The following DKC1 variants were observed in gnomAD, a reference collection of about 807,000 sequenced individuals.
DKC1 encodes the protein H/ACA ribonucleoprotein complex subunit DKC1.
Under a neutral mutation model 46.7 loss-of-function variants are expected in DKC1, and 4 were observed. The observed-to-expected ratio is 0.09, with a 90% CI of 0.04 to 0.20. DKC1 has a LOEUF of 0.20. Ranked by LOEUF, DKC1 falls within the 10% of genes least tolerant of loss-of-function variation. The probability of loss-of-function intolerance (pLI) is 1.00; values close to 1 mark genes in which losing one functional copy is unlikely to be tolerated. For missense variants in DKC1, 171 were observed against 404.2 expected (o/e 0.42, Z 4.95); for synonymous variants, 141 against 142.4 (o/e 0.99, Z 0.07).
In DKC1 at chrX:154,775,812, C is replaced by T. The variant is rs782475670; in HGVS notation, c.1339-375C>T. ...CAGGTCTGCACTCAGAAACCGGGGGCGGTACTGAGTATCCTGCACAGGCTG... is the reference window on the plus strand; with the variant it reads ...CAGGTCTGCACTCAGAAACCGGGGGTGGTACTGAGTATCCTGCACAGGCTG... On this transcript the variant is annotated intron_variant, in intron 13 of 14. Transcript: ENST00000369550. Among the ~76,000 whole-genome samples, 5 of 112,180 alleles carry T rather than the reference C, an allele frequency of 4.5e-5. No homozygotes were observed. In the East Asian group the frequency reaches 1.1e-3, roughly 25 times the overall value.
chrX:154,767,087 A>G, intron 6 of DKC1, 26 bp downstream of exon 6: 4 of 1,198,576 alleles, frequency 3.3e-6, no homozygotes, highest in Non-Finnish European at 4.5e-6. Flanking sequence ...TAGGGAGGAC[A>G]CCCTTTGTTG....
intron 7 of DKC1, 189 bp from the exon 8 acceptor site, chrX:154,768,113 G>A (rs782323272): frequency 1.6e-5 from 8 of 503,118 alleles, no homozygotes; most frequent in Non-Finnish European, 2.7e-5. Context: ...GCCTCCCAAA[G>A]TGCTGGAATT....
Position 154,762,927 on chromosome X carries a change from G to C in DKC1, c.-39G>C, listed in dbSNP as rs377108299. On this transcript the variant is annotated 5_prime_UTR_variant, in exon 1 of 15. Coordinates refer to ENST00000369550, the MANE Select transcript of DKC1 (RefSeq NM_001363.5). ...GGCGGGAGTCTGCGGTCGTTCCCTC[G>C]GCTGTGGACCGGGCGGCACGCACGC... 2.6e-6 allele frequency: 3 copies of C among 1,174,817 alleles called. No individual in the cohort carries two copies. The highest frequency in any genetic ancestry group is 3.4e-6 in the Non-Finnish European group (3 of 876,150).
At chrX:154,767,208 C>T in intron 6 of DKC1, 48 bp from the exon 7 acceptor site, 1 of 1,210,231 alleles carries the variant, frequency 8.3e-7, no homozygotes, top group Non-Finnish European at 1.1e-6. Flanking sequence ...AGTGACTGCA[C>T]ATGTACATTC....
At chrX:154,774,773 A>G (rs782689199) in intron 12 of DKC1, 68 bp downstream of exon 12, 1 of 948,777 alleles carries the variant, frequency 1.1e-6, no homozygotes, top group African/African-American at 1.9e-5. Context: ...ATGCAGGAGT[A>G]TGTCAACAAC....
chrX:154,764,973 A>T lies in DKC1; in HGVS notation c.84+7A>T. Reference sequence around the variant, plus strand: ...GCCAGAAGAAGATGTAGCCGTGAGTAGTAATGTGTTTGACTTCACTTTGAC... The same window carrying T: ...GCCAGAAGAAGATGTAGCCGTGAGTTGTAATGTGTTTGACTTCACTTTGAC... On this transcript the variant is annotated splice_region_variant and intron_variant, in intron 2 of 14. Coordinates refer to ENST00000369550, the MANE Select transcript of DKC1 (RefSeq NM_001363.5). 8.4e-7 allele frequency: 1 copy of T among 1,184,208 alleles called. No homozygotes were observed. The highest frequency in any genetic ancestry group is 1.1e-6 in the Non-Finnish European group (1 of 870,107).
chrX:154,766,497 A>G, intron 5 of DKC1, 97 bp downstream of exon 5: 2 of 844,229 alleles, frequency 2.4e-6, no homozygotes, highest in Admixed American at 2.9e-5. Flanking sequence ...TTCATTAAGA[A>G]AAAAAAAAAT....
intron 2 of DKC1, 100 bp downstream of exon 2, chrX:154,765,066 G>A: frequency 1.4e-6 from 1 of 705,124 alleles, no homozygotes; most frequent in South Asian, 2.2e-5. Flanking sequence ...CCAAGGAATG[G>A]GCCAGCATTG....
At chrX:154,774,729 C>CA (rs782524680) in intron 12 of DKC1, 24 bp downstream of exon 12, 24 of 1,157,166 alleles carry the variant, frequency 2.1e-5, no homozygotes, top group Middle Eastern at 2.4e-4. Flanking sequence ...GTTTCAGAGC[C>CA]GGGGTGGGTA....
chrX:154,763,599 A>G (rs2071708663), intron 1 of DKC1, among the ~76,000 whole-genome samples: 1 of 111,875 alleles, frequency 8.9e-6, no homozygotes, highest in Non-Finnish European at 1.9e-5. Context: ...GGACCCATAC[A>G]TTTGGCCTTA....
chrX:154,763,003 G>A (rs201817789), intron 1 of DKC1, 22 bp downstream of exon 1: 2 of 1,175,322 alleles, frequency 1.7e-6, no homozygotes, highest in East Asian at 6.3e-5. Flanking sequence ...AGGCTTCCGG[G>A]CCGTGCTAAC....
chrX:154,768,496 C>G (rs782356249), intron 8 of DKC1, 64 bp downstream of exon 8: 2 of 1,169,661 alleles, frequency 1.7e-6, no homozygotes, highest in East Asian at 3.0e-5. Context: ...TTTGATGGCA[C>G]TCCACTTGCT....
At chrX:154,767,188 A>G in intron 6 of DKC1, 68 bp from the exon 7 acceptor site, 1 of 1,204,914 alleles carries the variant, frequency 8.3e-7, no homozygotes, top group Non-Finnish European at 1.1e-6. Flanking sequence ...TGCTGCAGCC[A>G]GCCTGGACCA....
Position 154,764,978 on chromosome X carries a change from T to C in DKC1, c.84+12T>C. 2 of 1,162,805 alleles carry C rather than the reference T, an allele frequency of 1.7e-6. No individual in the cohort carries two copies. The highest frequency in any genetic ancestry group is 2.4e-6 in the Non-Finnish European group (2 of 850,919). On this transcript the variant is annotated intron_variant, in intron 2 of 14. Coordinates refer to ENST00000369550, the MANE Select transcript of DKC1 (RefSeq NM_001363.5). Reference sequence around the variant, plus strand: ...AAGAAGATGTAGCCGTGAGTAGTAATGTGTTTGACTTCACTTTGACTAAAA... The same window carrying C: ...AAGAAGATGTAGCCGTGAGTAGTAACGTGTTTGACTTCACTTTGACTAAAA...
chrX:154,767,284 T>A lies in DKC1; in HGVS notation c.542T>A (p.Phe181Tyr). 1 of 1,211,898 alleles carries A rather than the reference T, an allele frequency of 8.3e-7. No individual in the cohort carries two copies. The highest frequency in any genetic ancestry group is 1.1e-6 in the Non-Finnish European group (1 of 895,463). The change falls in exon 7 of 15, where the codon TTC (phenylalanine) becomes TAC (tyrosine). Residue 181 changes from phenylalanine (F) to tyrosine (Y), a missense_variant. Physicochemically the swap from Phe to Tyr is conservative, Grantham distance 22. Transcript: ENST00000369550. Reference sequence around the variant, plus strand: ...CTAGAAACTCTGACAGGTGCCTTATTCCAGCGACCCCCACTTATTGCTGCA... The same window carrying A: ...CTAGAAACTCTGACAGGTGCCTTATACCAGCGACCCCCACTTATTGCTGCA... The part of the protein sequence containing the change: ...RALETLTGAL[F>Y]QRPPLIAAVK...
rs1557264489 is a variant in DKC1 at position 154,768,435 on chromosome X, A to G, written c.771+3A>G. The stretch of plus-strand genomic sequence containing the variant: ...GTTCTGGAGTCATGAGTGAAAAGGT[A>G]TGTGTTACGGGGCTAGAAGTTTTAG... On this transcript the variant is annotated splice_donor_region_variant and intron_variant, in intron 8 of 14. Coordinates refer to ENST00000369550, the MANE Select transcript of DKC1 (RefSeq NM_001363.5). The G allele has an allele frequency of 8.3e-7, 1 of 1,210,903 alleles. No homozygotes were observed. Among genetic ancestry groups the G allele is most frequent in the South Asian group, 1.8e-5 (1 of 56,954 alleles).
intron 11 of DKC1, among the ~76,000 whole-genome samples, chrX:154,773,777 C>T (rs1283719366): frequency 3.6e-5 from 4 of 112,670 alleles, no homozygotes; most frequent in Admixed American, 9.3e-5. Context: ...TCCACAAAAC[C>T]GCCATTGCCA....
rs782159247 is a variant in DKC1, at chrX:154,767,035, A to G, written c.487A>G (p.Ile163Val). 6 of 1,209,776 alleles carry G rather than the reference A, an allele frequency of 5.0e-6. No individual in the cohort carries two copies. In the African/African-American group the frequency reaches 5.3e-5, roughly 11 times the overall value. ...GGGGATTGTCCGGCTGCACAATGCTATTGAAGGGGGGACCCAGCTTTCTAG... is the reference window on the plus strand; with the variant it reads ...GGGGATTGTCCGGCTGCACAATGCTGTTGAAGGGGGGACCCAGCTTTCTAG... ...YVGIVRLHNA[I>V]EGGTQLSRAL... is the part of the protein sequence containing the mutation. Residue 163 changes from isoleucine to valine, a missense_variant, in exon 6 of 15, where the codon ATT (isoleucine) becomes GTT (valine). Coordinates refer to ENST00000369550, the MANE Select transcript of DKC1 (RefSeq NM_001363.5).
At chrX:154,774,872 T>C in intron 12 of DKC1, 167 bp downstream of exon 12, 1 of 579,248 alleles carries the variant, frequency 1.7e-6, no homozygotes, top group Admixed American at 2.2e-5. Flanking sequence ...ATGGAGGTTG[T>C]AGAGCCCAGG....
Sources: allele counts gnomAD v4.1 joint callset (sites outside exome capture counted in the v4.1 genomes callset), GRCh38; gene constraint gnomAD v4.1.1; transcripts MANE v1.5; gene names NCBI Gene and HGNC (gene_info 2026-07-23, HGNC 2026-07-21).